The following LRRC4C variants were observed in gnomAD, a reference collection of about 807,000 sequenced individuals.
LRRC4C encodes the protein leucine-rich repeat-containing protein 4C.
In LRRC4C, 5 loss-of-function variants were observed where a neutral mutation model predicts 33.6. That is an observed-to-expected ratio of 0.15 (90% confidence interval 0.08 to 0.31). The LOEUF (loss-of-function observed/expected upper bound fraction) is 0.31. Ranked by LOEUF, LRRC4C falls within the 10% of genes least tolerant of loss-of-function variation. LRRC4C has a pLI of 1.00. For missense variants in LRRC4C, 560 were observed against 796.7 expected (o/e 0.70, Z 3.58); for synonymous variants, 329 against 302.0 (o/e 1.09, Z -0.93).
intron 6 of LRRC4C, among the ~76,000 whole-genome samples, chr11:40,135,131 C>T (rs1856881374): frequency 6.6e-6 from 1 of 152,064 alleles, no homozygotes; most frequent in Admixed American, 6.6e-5. Flanking sequence ...AATGAGGAAA[C>T]CTTGGTGATG....
chr11:40,904,875 G>A (rs1046277303), intron 2 of LRRC4C, among the ~76,000 whole-genome samples: 3 of 152,052 alleles, frequency 2.0e-5, no homozygotes, highest in East Asian at 3.9e-4. Context: ...TACCTGTATC[G>A]GACTTAAAAG....
At chr11:40,550,798 A>T (rs949077549) in intron 3 of LRRC4C, among the ~76,000 whole-genome samples, 3 of 127,066 alleles carry the variant, frequency 2.4e-5, no homozygotes, top group African/African-American at 7.3e-5. Context: ...GAACCTCTAA[A>T]TTTTGGGTGG....
intron 1 of LRRC4C, among the ~76,000 whole-genome samples, chr11:41,126,640 C>A (rs906312148): frequency 6.6e-6 from 1 of 151,928 alleles, no homozygotes; most frequent in African/African-American, 2.4e-5. Flanking sequence ...CTGATTCTGG[C>A]CTTCCTTTGG....
chr11:41,184,613 G>T (rs747912676), intron 1 of LRRC4C, among the ~76,000 whole-genome samples: 2 of 152,006 alleles, frequency 1.3e-5, no homozygotes, highest in Non-Finnish European at 2.9e-5. Flanking sequence ...AAAGTCTCTG[G>T]AAAGTTTCAT....
intron 3 of LRRC4C, among the ~76,000 whole-genome samples, chr11:40,393,687 T>G: frequency 6.6e-6 from 1 of 152,138 alleles, no homozygotes. Context: ...GAAAAAACAA[T>G]TGCACTGTTG....
chr11:40,727,840 G>A (rs1261208054), intron 2 of LRRC4C, among the ~76,000 whole-genome samples: 2 of 152,078 alleles, frequency 1.3e-5, no homozygotes, highest in African/African-American at 4.8e-5. Flanking sequence ...CCTGAGTTCA[G>A]GAGTTTGAGA....
intron 1 of LRRC4C, among the ~76,000 whole-genome samples, chr11:41,094,033 C>T (rs371587140): frequency 1.3e-5 from 2 of 151,332 alleles, no homozygotes; most frequent in Middle Eastern, 3.5e-3. Flanking sequence ...TGCTTGAACC[C>T]GGGAGACGGA....
At chr11:41,373,972 C>G (rs1484243356) in intron 1 of LRRC4C, among the ~76,000 whole-genome samples, 1 of 152,078 alleles carries the variant, frequency 6.6e-6, no homozygotes, top group Non-Finnish European at 1.5e-5. Context: ...ATATCTTGCC[C>G]ATTGTGCTAG....
chr11:40,711,172 G>C (rs1300814471), intron 2 of LRRC4C, among the ~76,000 whole-genome samples: 2 of 152,186 alleles, frequency 1.3e-5, no homozygotes, highest in Non-Finnish European at 2.9e-5. Flanking sequence ...GCCCTGCTCT[G>C]TTTTGGCTTG....
chr11:41,267,685 C>A (rs77330453), intron 1 of LRRC4C, among the ~76,000 whole-genome samples: 1 of 151,996 alleles, frequency 6.6e-6, no homozygotes, highest in African/African-American at 2.4e-5. Flanking sequence ...ACATAATATT[C>A]CTTTAAGAAA....
intron 2 of LRRC4C, among the ~76,000 whole-genome samples, chr11:40,784,541 TA>T (rs1038947310): frequency 6.6e-6 from 1 of 152,184 alleles, no homozygotes; most frequent in African/African-American, 2.4e-5. Flanking sequence ...GAACACAACT[TA>T]AAGTAATTTT....
chr11:40,485,785 T>G (rs1342917385), intron 3 of LRRC4C, among the ~76,000 whole-genome samples: 5 of 151,888 alleles, frequency 3.3e-5, no homozygotes, highest in African/African-American at 1.2e-4. Flanking sequence ...ATAAAGAAAA[T>G]GTGGTACATA....
At chr11:40,360,591 G>A (rs939249350) in intron 3 of LRRC4C, among the ~76,000 whole-genome samples, 6 of 152,254 alleles carry the variant, frequency 3.9e-5, no homozygotes, top group Admixed American at 6.5e-5. Flanking sequence ...TTGCAGATAC[G>A]AGGATGAAGT....
chr11:40,965,219 T>A (rs1312960713), intron 1 of LRRC4C, among the ~76,000 whole-genome samples: 1 of 152,092 alleles, frequency 6.6e-6, no homozygotes, highest in Non-Finnish European at 1.5e-5. Context: ...ATGGGTTTTT[T>A]GTTTTTTCTT....
At chr11:41,162,199 A>G (rs1453982475) in intron 1 of LRRC4C, among the ~76,000 whole-genome samples, 1 of 152,120 alleles carries the variant, frequency 6.6e-6, no homozygotes, top group Non-Finnish European at 1.5e-5. Context: ...TGATTGGACA[A>G]TAAGTCTATC....
intron 1 of LRRC4C, among the ~76,000 whole-genome samples, chr11:41,158,861 A>G (rs1432463048): frequency 2.6e-5 from 4 of 152,202 alleles, no homozygotes; most frequent in Non-Finnish European, 4.4e-5. Context: ...CAAACAAAAG[A>G]TTTTAAAAGA....
intron 5 of LRRC4C, among the ~76,000 whole-genome samples, chr11:40,221,709 T>G (rs1177536836): frequency 6.6e-6 from 1 of 152,140 alleles, no homozygotes; most frequent in Non-Finnish European, 1.5e-5. Context: ...ACCTAATCGG[T>G]TATGCTATCT....
intron 3 of LRRC4C, among the ~76,000 whole-genome samples, chr11:40,595,355 T>C (rs1197492818): frequency 2.0e-5 from 3 of 152,090 alleles, no homozygotes; most frequent in South Asian, 2.1e-4. Context: ...AACAGTTCAA[T>C]AGAGATTTTT....
intron 1 of LRRC4C, among the ~76,000 whole-genome samples, chr11:41,239,555 C>CAGGT (rs777801923): frequency 1.9e-4 from 29 of 152,062 alleles, no homozygotes; most frequent in Non-Finnish European, 3.7e-4. Flanking sequence ...TAGGTAGATG[C>CAGGT]AGGTCTCTTT....
Sources: gnomAD v4.1 joint callset for allele counts (sites outside exome capture counted in the v4.1 genomes callset) on GRCh38, gnomAD v4.1.1 for gene constraint, MANE v1.5 for transcripts, NCBI Gene and HGNC (gene_info 2026-07-23, HGNC 2026-07-21) for gene names.